Variants in ABTB2 observed in about 807,000 individuals in gnomAD.
ABTB2 encodes the protein ankyrin repeat and BTB domain containing 2, also known as ankyrin repeat and BTB/POZ domain-containing protein 2.
Under a neutral mutation model 104.1 loss-of-function variants are expected in ABTB2, and 56 were observed. The ratio of observed to expected loss-of-function variants is 0.54; its 90% CI spans 0.43 to 0.67. ABTB2 has a LOEUF of 0.67. Among genes scored for constraint, ABTB2 ranks in the 30% least tolerant of loss-of-function variants. The pLI is 0.00. For synonymous variants in ABTB2, 606 were observed against 608.2 expected (o/e 1.00, Z 0.05); for missense variants, 1,279 against 1,407.7 (o/e 0.91, Z 1.46).
At chr11:34,216,912 T>C (rs1853555108) in intron 1 of ABTB2, among the ~76,000 whole-genome samples, 1 of 152,214 alleles carries the variant, frequency 6.6e-6, no homozygotes, top group African/African-American at 2.4e-5. Context: ...CGCCCACCAG[T>C]GTGCCATGGT....
chr11:34,346,991 G>A (rs1855339941), intron 1 of ABTB2, among the ~76,000 whole-genome samples: 1 of 152,162 alleles, frequency 6.6e-6, no homozygotes, highest in Admixed American at 6.5e-5. Flanking sequence ...CTGTAGGGAG[G>A]GTTTTCGTGC....
intron 1 of ABTB2, among the ~76,000 whole-genome samples, chr11:34,316,009 G>T (rs1460174529): frequency 1.3e-5 from 2 of 152,174 alleles, no homozygotes; most frequent in Non-Finnish European, 2.9e-5. Flanking sequence ...AAGAACAAAA[G>T]AAAAAATATG....
At chr11:34,243,392 C>T (rs909180023) in intron 1 of ABTB2, among the ~76,000 whole-genome samples, 1 of 152,120 alleles carries the variant, frequency 6.6e-6, no homozygotes, top group Non-Finnish European at 1.5e-5. Context: ...CTGCCTCAGC[C>T]TCTTGAGTAG....
At chr11:34,194,218 A>G (rs1853218515) in intron 3 of ABTB2, among the ~76,000 whole-genome samples, 1 of 152,166 alleles carries the variant, frequency 6.6e-6, no homozygotes. Flanking sequence ...TCCCTCTCCC[A>G]TGTGTGCAAG....
intron 1 of ABTB2, among the ~76,000 whole-genome samples, chr11:34,227,735 CTTTT>C (rs892512045): frequency 1.3e-5 from 2 of 150,834 alleles, no homozygotes; most frequent in Non-Finnish European, 3.0e-5. Flanking sequence ...TTTTTTTCTT[CTTTT>C]TTTTTATTTT....
chr11:34,245,924 T>G (rs528693189), intron 1 of ABTB2, among the ~76,000 whole-genome samples: 1 of 152,330 alleles, frequency 6.6e-6, no homozygotes, highest in East Asian at 1.9e-4. Flanking sequence ...GCCTTGAAGC[T>G]GCAGCCACGG....
chr11:34,227,085 C>T (rs1853697041), intron 1 of ABTB2, among the ~76,000 whole-genome samples: 1 of 151,808 alleles, frequency 6.6e-6, no homozygotes, highest in Admixed American at 6.6e-5. Context: ...ATCAGCCTGG[C>T]CAACATGGCG....
At chr11:34,228,845 T>G (rs918628544) in intron 1 of ABTB2, among the ~76,000 whole-genome samples, 1 of 152,132 alleles carries the variant, frequency 6.6e-6, no homozygotes, top group Non-Finnish European at 1.5e-5. Flanking sequence ...AGGGGCCAGG[T>G]GCAGTGGCTC....
At chr11:34,167,850 G>A in intron 6 of ABTB2, 53 bp downstream of exon 6, 1 of 1,578,906 alleles carries the variant, frequency 6.3e-7, no homozygotes. Context: ...GGAGCCCTCG[G>A]AGTGATCCCT....
intron 1 of ABTB2, among the ~76,000 whole-genome samples, chr11:34,302,190 C>G (rs1409006334): frequency 6.6e-6 from 1 of 152,168 alleles, no homozygotes; most frequent in Non-Finnish European, 1.5e-5. Flanking sequence ...TTGTCTCCAC[C>G]CTCTTCCCCA....
intron 1 of ABTB2, among the ~76,000 whole-genome samples, chr11:34,265,543 C>T (rs561595494): frequency 7.0e-4 from 106 of 152,012 alleles, no homozygotes; most frequent in African/African-American, 2.4e-3. Context: ...GCCTGTAATC[C>T]CAGCTACTTG....
intron 14 of ABTB2, among the ~76,000 whole-genome samples, chr11:34,156,123 G>A (rs1217231902): frequency 6.6e-6 from 1 of 152,234 alleles, no homozygotes; most frequent in Non-Finnish European, 1.5e-5. Flanking sequence ...GGCCTGGAAG[G>A]CTACCTCCTG....
chr11:34,238,912 C>A (rs925964433), intron 1 of ABTB2, among the ~76,000 whole-genome samples: 16 of 152,172 alleles, frequency 1.1e-4, no homozygotes, highest in Non-Finnish European at 2.9e-5. Context: ...TGCCACCACA[C>A]CTGGCTGAAT....
At chr11:34,340,732 G>A (rs1443549589) in intron 1 of ABTB2, among the ~76,000 whole-genome samples, 1 of 152,234 alleles carries the variant, frequency 6.6e-6, no homozygotes, top group Non-Finnish European at 1.5e-5. Flanking sequence ...GATCCTGGCA[G>A]TAGCTGTCCA....
rs937611866 is a variant in ABTB2 at position 34,159,934 on chromosome 11, T to C, written c.2578A>G (p.Lys860Glu). 2 of 1,614,072 alleles carry C rather than the reference T, an allele frequency of 1.2e-6. No homozygotes were observed. The highest frequency in any genetic ancestry group is 3.3e-5 in the Admixed American group (2 of 60,024). Residue 860 changes from lysine (K) to glutamate (E), a missense_variant, in exon 13 of 17, where the codon AAA becomes GAA. Coordinates refer to ENST00000435224, the MANE Select transcript of ABTB2 (RefSeq NM_145804.3). ...LVEGKLFYAH[K>E]VLLVTASNRF... ...TTAGAAGCTGTCACCAGCAGGACTT[T>C]ATGTGCATAAAACAGCTTTCCTTCC...
intron 1 of ABTB2, among the ~76,000 whole-genome samples, chr11:34,321,018 A>G (rs1378576949): frequency 1.3e-5 from 2 of 152,154 alleles, no homozygotes; most frequent in African/African-American, 4.8e-5. Flanking sequence ...CCCTGTCTCT[A>G]CTAAAAATAC....
At chr11:34,257,252 AGCCACACGTGGCT>A (rs913438815) in intron 1 of ABTB2, among the ~76,000 whole-genome samples, 3 of 151,080 alleles carry the variant, frequency 2.0e-5, no homozygotes, top group African/African-American at 7.3e-5. Context: ...TGAACCCAAG[AGCCACACGTGGCT>A]CAGGAAGATG....
At chr11:34,343,927 T>C (rs1466569886) in intron 1 of ABTB2, among the ~76,000 whole-genome samples, 1 of 152,030 alleles carries the variant, frequency 6.6e-6, no homozygotes, top group Non-Finnish European at 1.5e-5. Flanking sequence ...TAGCTGGCAA[T>C]CAGACAGTGA....
chr11:34,191,597 C>T (rs887653639), intron 3 of ABTB2, among the ~76,000 whole-genome samples: 46 of 152,188 alleles, frequency 3.0e-4, no homozygotes, highest in African/African-American at 1.0e-3. Context: ...CAGGGCAGAC[C>T]TTTATAGGAG....
Sources: gnomAD v4.1 joint callset for allele counts (sites outside exome capture counted in the v4.1 genomes callset) on GRCh38, gnomAD v4.1.1 for gene constraint, MANE v1.5 for transcripts, NCBI Gene and HGNC (gene_info 2026-07-23, HGNC 2026-07-21) for gene names.